The following TPRG1L variants were observed in gnomAD, a reference collection of about 807,000 sequenced individuals.
TPRG1L encodes the protein tumor protein p63 regulated 1 like, also known as tumor protein p63-regulated gene 1-like protein.
In TPRG1L, 25 loss-of-function variants were observed where a neutral mutation model predicts 29.4. The ratio of observed to expected loss-of-function variants is 0.85; its 90% confidence interval spans 0.62 to 1.19. TPRG1L has a LOEUF of 1.19. Ranked by LOEUF, TPRG1L falls within the 50% of genes most tolerant of loss-of-function variation. The pLI, the probability that TPRG1L is intolerant of heterozygous loss-of-function variation, is 0.00. For missense variants in TPRG1L, 354 were observed against 364.4 expected, an observed-to-expected ratio of 0.97 and a Z score of 0.23; for synonymous variants, 182 against 151.1, an observed-to-expected ratio of 1.20 and a Z score of -1.50.
rs181593843 is a variant in TPRG1L at position 3,625,714 on chromosome 1, G to A, written c.295G>A (p.Val99Met). ...EIQGVWLLTEVDHWNNEKERL... is the reference protein window; with the variant it reads ...EIQGVWLLTEMDHWNNEKERL... The stretch of plus-strand genomic sequence containing the variant: ...CTGAGGCCCCTCCTCTGCCTACAGG[G>A]TGGATCACTGGAACAATGAGAAGGA... The change falls in exon 3 of 5, where the codon GTG becomes ATG. Residue 99 changes from valine to methionine, a missense_variant and splice_region_variant. Val to Met is a conservative substitution (Grantham distance 21). Coordinates refer to ENST00000378344, the MANE Select transcript of TPRG1L (RefSeq NM_182752.4). 6.2e-7 allele frequency: 1 copy of A among 1,611,874 alleles called. No individual in the cohort carries two copies. Among genetic ancestry groups the A allele is most frequent in the Non-Finnish European group, 8.5e-7 (1 of 1,178,948 alleles).
At position 3,628,543 on chromosome 1, in the gene TPRG1L, C is replaced by A; in HGVS notation, c.759C>A (p.Ser253=). ...TCGAGACCTACGTGGGACTCATGTCCTTCATTAACAACGAGGCGAAACTGG... is the reference window on the plus strand; with the variant it reads ...TCGAGACCTACGTGGGACTCATGTCATTCATTAACAACGAGGCGAAACTGG... The part of the protein sequence containing the change: ...LLIETYVGLM[S]FINNEAKLGY... Residue 253 remains serine, a synonymous_variant, in exon 5 of 5, where the codon TCC becomes TCA. Coordinates refer to ENST00000378344, the MANE Select transcript of TPRG1L (RefSeq NM_182752.4). 6.2e-7 allele frequency: 1 copy of A among 1,613,768 alleles called. No individual in the cohort carries two copies.
Position 3,629,160 on chromosome 1 carries a change from C to T in TPRG1L, c.*557C>T, listed in dbSNP as rs1570285349. On this transcript the variant is annotated 3_prime_UTR_variant, in exon 5 of 5. Coordinates refer to ENST00000378344, the MANE Select transcript of TPRG1L (RefSeq NM_182752.4). ...ACTGAGACCGGTCTGTGGCTGTGGG[C>T]CCCTTGGTGACCCGCTGCTCTTTTG... 6.6e-6 allele frequency: 1 copy of T among 152,168 alleles called. No individual in the cohort carries two copies. Among genetic ancestry groups the T allele is most frequent in the African/African-American group, 2.4e-5 (1 of 41,436 alleles). The allele number at this position is 152,168 out of a possible 1,614,324, so 9.4% of individuals were successfully genotyped here. A position where few individuals can be genotyped will look rare whatever the true frequency, so the allele number is the denominator to read the frequency against.
chr1:3,625,528 T>G lies in TPRG1L; in HGVS notation c.293+13T>G, dbSNP rs748824044. The G allele has an allele frequency of 6.3e-7, 1 of 1,591,536 alleles. No homozygotes were observed. Among genetic ancestry groups the G allele is most frequent in the Non-Finnish European group, 8.5e-7 (1 of 1,171,062 alleles). On this transcript the variant is annotated intron_variant, in intron 2 of 4. Coordinates refer to ENST00000378344, the MANE Select transcript of TPRG1L (RefSeq NM_182752.4). The stretch of plus-strand genomic sequence containing the variant: ...GGCTGCTTACCGAGTAAGCCGGGGC[T>G]GCGCTCTCCTTGGTGGGGGGACTCG...
At chr1:3,627,864 G>A (rs1326016385) in intron 4 of TPRG1L, among the ~76,000 whole-genome samples, 2 of 152,252 alleles carry the variant, frequency 1.3e-5, no homozygotes, top group Non-Finnish European at 2.9e-5. Flanking sequence ...TAAAGTAGCC[G>A]CATGTGGCCA....
At chr1:3,627,424 G>A in intron 3 of TPRG1L, 76 bp from the exon 4 acceptor site, 1 of 1,554,216 alleles carries the variant, frequency 6.4e-7, no homozygotes, top group Non-Finnish European at 8.8e-7. Context: ...TCTCCTAACT[G>A]ATGAGACTGT....
In TPRG1L at chr1:3,625,459, C is replaced by G. The variant is rs1279738151; in HGVS notation, c.237C>G (p.Arg79=). 1 of 1,606,852 alleles carries G rather than the reference C, an allele frequency of 6.2e-7. No individual in the cohort carries two copies. The highest frequency in any genetic ancestry group is 8.5e-7 in the Non-Finnish European group (1 of 1,177,798). ...GSIEQAVEEI[R]VVVRPVEDGE... Reference sequence around the variant, plus strand: ...TCGAGCAGGCAGTGGAGGAGATCCGCGTGGTGGTGCGGCCCGTGGAGGACG... The same window carrying G: ...TCGAGCAGGCAGTGGAGGAGATCCGGGTGGTGGTGCGGCCCGTGGAGGACG... The change falls in exon 2 of 5, where the codon CGC becomes CGG. Residue 79 remains arginine (R), a synonymous_variant. Coordinates refer to ENST00000378344, the MANE Select transcript of TPRG1L (RefSeq NM_182752.4).
intron 4 of TPRG1L, 50 bp downstream of exon 4, chr1:3,627,703 A>C (rs1557449392): frequency 1.2e-6 from 2 of 1,603,088 alleles, no homozygotes. Flanking sequence ...TGATGGAAAC[A>C]CCCCCCGCAG....
intron 3 of TPRG1L, among the ~76,000 whole-genome samples, chr1:3,626,599 T>C (rs75189684): frequency 0.024 from 3,702 of 151,612 alleles, 137 homozygotes; most frequent in African/African-American, 0.083. Context: ...TTTTTTTTTT[T>C]TTGAGACGGA....
In TPRG1L at chr1:3,629,518, A is replaced by T. The variant is rs547471002; in HGVS notation, c.*915A>T. 6.6e-6 allele frequency: 1 copy of T among 152,202 alleles called. No homozygotes were observed. The highest frequency in any genetic ancestry group is 1.5e-5 in the Non-Finnish European group (1 of 68,058). 9.4% of individuals were successfully genotyped at this position (152,202 alleles called of 1,614,324 possible). Reference sequence around the variant, plus strand: ...AGGCAGACAAATCGCTCTAGCTCAGAAGTTGCAGAGCAGCCTGGGCAACAT... The same window carrying T: ...AGGCAGACAAATCGCTCTAGCTCAGTAGTTGCAGAGCAGCCTGGGCAACAT... On this transcript the variant is annotated 3_prime_UTR_variant, in exon 5 of 5. Transcript: ENST00000378344.
rs2101943878 is a variant in TPRG1L at position 3,625,446 on chromosome 1, T to C, written c.224T>C (p.Val75Ala). ...CAGCCCGGCAGCATCGAGCAGGCAG[T>C]GGAGGAGATCCGCGTGGTGGTGCGG... ...VFRPGSIEQA[V>A]EEIRVVVRPV... is the part of the protein sequence containing the mutation. The change falls in exon 2 of 5, where the codon GTG becomes GCG. Residue 75 changes from valine (V) to alanine (A), a missense_variant. Transcript: ENST00000378344. 6.2e-7 allele frequency: 1 copy of C among 1,604,440 alleles called. No homozygotes were observed. Among genetic ancestry groups the C allele is most frequent in the South Asian group, 1.1e-5 (1 of 88,962 alleles).
chr1:3,627,633 A>G lies in TPRG1L; in HGVS notation c.604A>G (p.Lys202Glu), dbSNP rs879051495. The part of the protein sequence containing the change: ...TEHPMAGADE[K>E]TASLCQLESF... ...ACACCCGATGGCTGGCGCAGATGAG[A>G]AGACAGCATCTCTGTGTCAGGTAAG... The change falls in exon 4 of 5, where the codon AAG becomes GAG. Residue 202 changes from lysine to glutamate, a missense_variant. Lys to Glu is a moderately conservative substitution (Grantham distance 56). Transcript: ENST00000378344. 1.9e-6 allele frequency: 3 copies of G among 1,613,922 alleles called. No homozygotes were observed. Among genetic ancestry groups the G allele is most frequent in the African/African-American group, 2.7e-5 (2 of 75,020 alleles).
Position 3,625,520 on chromosome 1 carries a change from G to A in TPRG1L, c.293+5G>A. 6.3e-7 allele frequency: 1 copy of A among 1,597,662 alleles called. No individual in the cohort carries two copies. The highest frequency in any genetic ancestry group is 8.5e-7 in the Non-Finnish European group (1 of 1,173,936). On this transcript the variant is annotated splice_donor_5th_base_variant and intron_variant, in intron 2 of 4. Coordinates refer to ENST00000378344, the MANE Select transcript of TPRG1L (RefSeq NM_182752.4). ...GGGAGTGTGGCTGCTTACCGAGTAA[G>A]CCGGGGCTGCGCTCTCCTTGGTGGG...
In TPRG1L at chr1:3,625,855, G is replaced by C; in HGVS notation, c.436G>C (p.Gly146Arg). The C allele has an allele frequency of 6.2e-7, 1 of 1,612,810 alleles. No homozygotes were observed. The highest frequency in any genetic ancestry group is 1.7e-5 in the Admixed American group (1 of 60,000). Residue 146 changes from glycine to arginine, a missense_variant, in exon 3 of 5, where the codon GGA becomes CGA. Transcript: ENST00000378344. Reference protein sequence around the residue: ...ALNAVDTISYGEFQFPPKSLN... With the variant: ...ALNAVDTISYREFQFPPKSLN... ...CAACGCAGTAGACACCATTTCCTACGGAGAATTCCAGTTTCCCCCTAAATC... is the reference window on the plus strand; with the variant it reads ...CAACGCAGTAGACACCATTTCCTACCGAGAATTCCAGTTTCCCCCTAAATC...
At chr1:3,625,986 C>A (rs1644485565) in intron 3 of TPRG1L, 97 bp downstream of exon 3, 2 of 1,190,246 alleles carry the variant, frequency 1.7e-6, no homozygotes, top group African/African-American at 1.5e-5. Flanking sequence ...GGTGTGTCTT[C>A]TCTGTCATTA....
chr1:3,625,284 G>C lies in TPRG1L; in HGVS notation c.201+11G>C, dbSNP rs2101943480. The C allele has an allele frequency of 1.4e-6, 2 of 1,418,814 alleles. No individual in the cohort carries two copies. The highest frequency in any genetic ancestry group is 1.5e-5 in the African/African-American group (1 of 65,750). The allele number at this position is 1,418,814 out of a possible 1,614,324, so 87.9% of individuals were successfully genotyped here. On this transcript the variant is annotated intron_variant, in intron 1 of 4. Transcript: ENST00000378344. The stretch of plus-strand genomic sequence containing the variant: ...TACTTCGTGTTCCGGGTGAGGCAGG[G>C]GCCAGGGCCGGGGCGGGGGCCGAGG...
intron 3 of TPRG1L, 57 bp from the exon 4 acceptor site, chr1:3,627,443 C>T: frequency 6.2e-7 from 1 of 1,600,288 alleles, no homozygotes; most frequent in Non-Finnish European, 8.5e-7. Context: ...GTCAGATTGT[C>T]CATGAGAGCA....
intron 3 of TPRG1L, among the ~76,000 whole-genome samples, chr1:3,626,519 GACATAAGGAAAAGGAAGATT>G (rs938708637): frequency 5.3e-5 from 8 of 151,558 alleles, no homozygotes; most frequent in African/African-American, 1.7e-4. Flanking sequence ...CATTTAATAT[GACATAAGGAAAAGGAAGATT>G]ACACTTCCTT....
rs371382706 is a variant in TPRG1L, at chr1:3,628,456, A to G, written c.672A>G (p.Gln224=). 8.1e-6 allele frequency: 13 copies of G among 1,613,284 alleles called. 1 individual carries two copies. Among genetic ancestry groups the G allele is most frequent in the Middle Eastern group, 3.3e-4 (2 of 6,058 alleles). ...ALLIQAVKKA[Q]KESPLPGQAN... Reference sequence around the variant, plus strand: ...TAATCCAAGCTGTCAAAAAAGCCCAAAAAGAAAGCCCTTTGCCAGGACAGG... The same window carrying G: ...TAATCCAAGCTGTCAAAAAAGCCCAGAAAGAAAGCCCTTTGCCAGGACAGG... Residue 224 remains glutamine (Q), a synonymous_variant, in exon 5 of 5, where the codon CAA becomes CAG. Coordinates refer to ENST00000378344, the MANE Select transcript of TPRG1L (RefSeq NM_182752.4).
intron 3 of TPRG1L, 74 bp from the exon 4 acceptor site, chr1:3,627,426 T>TGA (rs1291923316): frequency 2.6e-6 from 4 of 1,560,164 alleles, no homozygotes; most frequent in Non-Finnish European, 3.5e-6. Context: ...TCCTAACTGA[T>TGA]GAGACTGTCA....
Sources: gnomAD v4.1 joint callset for allele counts (sites outside exome capture counted in the v4.1 genomes callset) on GRCh38, gnomAD v4.1.1 for gene constraint, MANE v1.5 for transcripts, NCBI Gene and HGNC (gene_info 2026-07-23, HGNC 2026-07-21) for gene names.